Variants in SURF4 observed in about 807,000 individuals in gnomAD.
SURF4 encodes the protein surfeit 4, also known as surfeit locus protein 4.
In SURF4, 3 loss-of-function variants were observed where a neutral mutation model predicts 30.0. That is an observed-to-expected ratio of 0.10 (90% confidence interval 0.05 to 0.26). The LOEUF is 0.26. Among genes scored for constraint, SURF4 ranks in the 10% least tolerant of loss-of-function variants. The pLI, the probability that SURF4 is intolerant of heterozygous loss-of-function variation, is 1.00. For missense variants in SURF4, 217 were observed against 350.8 expected, an observed-to-expected ratio of 0.62 and a Z score of 3.05; for synonymous variants, 143 against 139.9, an observed-to-expected ratio of 1.02 and a Z score of -0.16.
chr9:133,376,630 G>A, upstream of SURF4: 1 of 1,392,650 alleles, frequency 7.2e-7, no homozygotes, highest in Non-Finnish European at 9.6e-7. Flanking sequence ...AGCTACGGCC[G>A]GCGGTTCCGA....
Position 133,363,223 on chromosome 9 carries a change from G to T in SURF4, c.*270C>A. On this transcript the variant is annotated 3_prime_UTR_variant, in exon 6 of 6. Transcript: ENST00000371989. The surrounding 1 kb of genome is among the most constrained non-coding windows in gnomAD (Gnocchi z 4.3). Reference sequence around the variant, plus strand: ...GGACTGAGATGCCACAGCCAAGCGGGCTGTTCACTCCAAAGCCTCGGCGTG... The same window carrying T: ...GGACTGAGATGCCACAGCCAAGCGGTCTGTTCACTCCAAAGCCTCGGCGTG... The T allele has an allele frequency of 1.6e-6, 1 of 637,842 alleles. No individual in the cohort carries two copies. The allele number at this position is 637,842 out of a possible 1,614,324, so 39.5% of individuals were successfully genotyped here. A position where few individuals can be genotyped will look rare whatever the true frequency, so the allele number is the denominator to read the frequency against.
At chr9:133,375,786 C>CG (rs1041541864) in intron 1 of SURF4, 136 bp downstream of exon 1, 46 of 907,076 alleles carry the variant, frequency 5.1e-5, no homozygotes, top group Admixed American at 3.2e-4. Context: ...AGGGCCCGGG[C>CG]GGGGGGGTCC....
At position 133,375,532 on chromosome 9, in the gene SURF4, A is replaced by G. The variant is rs2130238217; in HGVS notation, c.48+390T>C. On this transcript the variant is annotated intron_variant, in intron 1 of 5. Transcript: ENST00000371989. ...CTCCGGGAGCCCCAGTGAGAGGAAA[A>G]ACGTGCGGGGACCCCCCAGCAGCTC... 11 of 582,672 alleles carry G rather than the reference A, an allele frequency of 1.9e-5. No individual in the cohort carries two copies. In the African/African-American group the frequency reaches 2.0e-4, roughly 11 times the overall value. 36.1% of individuals were successfully genotyped at this position (582,672 alleles called of 1,614,324 possible).
At chr9:133,374,130 C>T (rs1837704277) in intron 1 of SURF4, among the ~76,000 whole-genome samples, 1 of 152,060 alleles carries the variant, frequency 6.6e-6, no homozygotes, top group Non-Finnish European at 1.5e-5. Context: ...CTATGAGGAG[C>T]CATCTTCTTA....
chr9:133,375,910 C>A lies in SURF4; in HGVS notation c.48+12G>T, dbSNP rs1837890366. The A allele has an allele frequency of 2.4e-6, 3 of 1,225,082 alleles. No individual in the cohort carries two copies. In the African/African-American group the frequency reaches 4.7e-5, roughly 19 times the overall value. The allele number at this position is 1,225,082 out of a possible 1,614,324, so 75.9% of individuals were successfully genotyped here. On this transcript the variant is annotated intron_variant, in intron 1 of 5. Coordinates refer to ENST00000371989, the MANE Select transcript of SURF4 (RefSeq NM_033161.4). ...CGGGACCGGGGCCGGGGGAGGAGCCCGCAGGCCGCACCTGGTCGGCGAAGT... is the reference window on the plus strand; with the variant it reads ...CGGGACCGGGGCCGGGGGAGGAGCCAGCAGGCCGCACCTGGTCGGCGAAGT...
At chr9:133,372,116 T>C (rs2130194572) in intron 1 of SURF4, among the ~76,000 whole-genome samples, 74 of 152,246 alleles carry the variant, frequency 4.9e-4, no homozygotes, top group African/African-American at 1.2e-3. Flanking sequence ...TTCTGGACCC[T>C]TCCCATGGCT....
intron 4 of SURF4, among the ~76,000 whole-genome samples, chr9:133,365,354 C>T (rs1029719991): frequency 6.6e-6 from 1 of 152,168 alleles, no homozygotes; most frequent in Admixed American, 6.5e-5. Context: ...CTGTCCTCCA[C>T]TCAGACCCGG....
chr9:133,372,685 T>C, intron 1 of SURF4: 1 of 960,952 alleles, frequency 1.0e-6, no homozygotes, highest in Non-Finnish European at 1.2e-6. Flanking sequence ...TGTGTCACTT[T>C]ATCTGATCAG....
At chr9:133,375,120 G>A (rs2130232997) in intron 1 of SURF4, 56 of 659,826 alleles carry the variant, frequency 8.5e-5, no homozygotes, top group East Asian at 1.4e-4. Context: ...CAAGAAAGAG[G>A]GAAGGGAGTT....
intron 1 of SURF4, among the ~76,000 whole-genome samples, chr9:133,370,150 A>G (rs1255342444): frequency 6.6e-6 from 1 of 152,206 alleles, no homozygotes; most frequent in Non-Finnish European, 1.5e-5. Flanking sequence ...CTACGTGCAC[A>G]GCCCACGAGA....
chr9:133,366,634 C>T lies in SURF4; in HGVS notation c.277G>A (p.Ala93Thr), dbSNP rs141358848. 5 of 1,613,898 alleles carry T rather than the reference C, an allele frequency of 3.1e-6. No homozygotes were observed. The highest frequency in any genetic ancestry group is 4.2e-6 in the Non-Finnish European group (5 of 1,180,016). The change falls in exon 3 of 6, where the codon GCC becomes ACC. Residue 93 changes from alanine to threonine, a missense_variant. Coordinates refer to ENST00000371989, the MANE Select transcript of SURF4 (RefSeq NM_033161.4). ...LVLSRNFVQY[A>T]CFGLFGIIAL... ...ATGATTCCAAAGAGCCCGAAGCAGG[C>T]GTACTGCACGAAGTTCCTGCTCAAC...
chr9:133,369,401 G>A (rs1230502091), intron 1 of SURF4, among the ~76,000 whole-genome samples: 9 of 152,168 alleles, frequency 5.9e-5, no homozygotes, highest in Non-Finnish European at 8.8e-5. Context: ...ACCTGGACAC[G>A]CCCAGTTACT....
intron 5 of SURF4, 148 bp downstream of exon 5, chr9:133,364,692 A>T: frequency 2.9e-6 from 1 of 349,312 alleles, no homozygotes; most frequent in South Asian, 7.1e-5. Flanking sequence ...CTCCGTCTCA[A>T]AAAAAAAAAA....
chr9:133,370,887 A>G (rs1588717132), intron 1 of SURF4: 1 of 1,289,652 alleles, frequency 7.8e-7, no homozygotes, highest in African/African-American at 1.5e-5. Context: ...TCTGTGGCCA[A>G]GCTTCTCATT....
At chr9:133,370,779 G>T in intron 1 of SURF4, 1 of 972,022 alleles carries the variant, frequency 1.0e-6, no homozygotes, top group Non-Finnish European at 1.4e-6. Context: ...TAAAACTTGT[G>T]ACAGTCCCCC....
At chr9:133,371,241 G>A in intron 1 of SURF4, 2 of 586,790 alleles carry the variant, frequency 3.4e-6, no homozygotes, top group Non-Finnish European at 4.3e-6. Flanking sequence ...ACCAAGGACT[G>A]GGGCTGCCTT....
chr9:133,376,255 G>A, upstream of SURF4: 2 of 1,303,940 alleles, frequency 1.5e-6, no homozygotes, highest in Non-Finnish European at 1.9e-6. Context: ...CACGCTGGAG[G>A]CCCCGCCCGC....
upstream of SURF4, chr9:133,376,444 A>G: frequency 6.5e-7 from 1 of 1,549,246 alleles, no homozygotes. Context: ...CCAGGGGTGG[A>G]CGCTCGCCCG....
chr9:133,365,312 A>T (rs1354836080), intron 4 of SURF4, among the ~76,000 whole-genome samples: 1 of 152,180 alleles, frequency 6.6e-6, no homozygotes, highest in East Asian at 1.9e-4. Context: ...TCACAGCTTC[A>T]GTGTTGACCA....
Sources: allele counts gnomAD v4.1 joint callset (sites outside exome capture counted in the v4.1 genomes callset), GRCh38; gene constraint gnomAD v4.1.1; non-coding constraint Gnocchi (gnomAD v3.1); transcripts MANE v1.5; gene names NCBI Gene and HGNC (gene_info 2026-07-23, HGNC 2026-07-21).